The following FLRT3 variants were observed in gnomAD, a reference collection of about 807,000 sequenced individuals.
The protein encoded by FLRT3 is leucine-rich repeat transmembrane protein FLRT3.
In FLRT3, 17 loss-of-function variants were observed where a neutral mutation model predicts 42.6. That is an observed-to-expected ratio of 0.40 (90% CI 0.27 to 0.60). The LOEUF is 0.60. Among genes scored for constraint, FLRT3 ranks in the 20% least tolerant of loss-of-function variants. FLRT3 has a pLI of 0.44. For synonymous variants in FLRT3, 279 were observed against 286.4 expected (o/e 0.97, Z 0.26); for missense variants, 635 against 789.2 (o/e 0.80, Z 2.34).
chr20:14,327,191 C>T lies in FLRT3; in HGVS notation c.316G>A (p.Val106Ile). ...TTTTCTTGCAAATGTAACTCTTTTA[C>T]ATACTTTGGGAGGTTGGTAGGAAAT... is the stretch of plus-strand genomic sequence containing the variant. ...DEFPTNLPKY[V>I]KELHLQENNI... The change falls in exon 3 of 3, where the codon GTA becomes ATA. Residue 106 changes from valine to isoleucine, a missense_variant. Coordinates refer to ENST00000341420, the MANE Select transcript of FLRT3 (RefSeq NM_198391.3). The T allele has an allele frequency of 6.2e-7, 1 of 1,613,636 alleles. No homozygotes were observed. Among genetic ancestry groups the T allele is most frequent in the Non-Finnish European group, 8.5e-7 (1 of 1,179,742 alleles).
Position 14,326,126 on chromosome 20 carries a change from G to C in FLRT3, c.1381C>G (p.Arg461Gly), listed in dbSNP as rs763437016. The change falls in exon 3 of 3, where the codon CGC becomes GGC. Residue 461 changes from arginine (R) to glycine (G), a missense_variant. Transcript: ENST00000341420. This position sits in a 1 kb window ranked among gnomAD's most constrained non-coding sequence, Gnocchi z 5.5. Reference sequence around the variant, plus strand: ...AGGGCTGTGACCAAGTACTCACTGCGTTCCCCTGTTACAATTGTTTCTGTT... The same window carrying C: ...AGGGCTGTGACCAAGTACTCACTGCCTTCCCCTGTTACAATTGTTTCTGTT... ...SITETIVTGE[R>G]SEYLVTALEP... The C allele has an allele frequency of 6.2e-7, 1 of 1,613,830 alleles. No homozygotes were observed. The highest frequency in any genetic ancestry group is 1.1e-5 in the South Asian group (1 of 91,066).
chr20:14,336,223 G>C (rs1268117934), intron 1 of FLRT3, among the ~76,000 whole-genome samples: 1 of 151,914 alleles, frequency 6.6e-6, no homozygotes, highest in Non-Finnish European at 1.5e-5. Context: ...AAATAACATA[G>C]ATGAGCATTT....
chr20:14,328,671 T>C (rs1004258078), intron 2 of FLRT3, among the ~76,000 whole-genome samples: 1 of 152,116 alleles, frequency 6.6e-6, no homozygotes, highest in Non-Finnish European at 1.5e-5. Flanking sequence ...TATAAACTTT[T>C]GTTTAGTCCT....
At position 14,325,112 on chromosome 20, in the gene FLRT3, C is replaced by T. The variant is rs1274737420; in HGVS notation, c.*445G>A. 6.6e-6 allele frequency: 1 copy of T among 151,662 alleles called. No individual in the cohort carries two copies. Among genetic ancestry groups the T allele is most frequent in the African/African-American group, 2.4e-5 (1 of 41,034 alleles). The allele number at this position is 151,662 out of a possible 1,614,324, so 9.4% of individuals were successfully genotyped here. On this transcript the variant is annotated 3_prime_UTR_variant, in exon 3 of 3. Coordinates refer to ENST00000341420, the MANE Select transcript of FLRT3 (RefSeq NM_198391.3). The stretch of plus-strand genomic sequence containing the variant: ...ATTTTATCTCATTCAGCCATTCAGC[C>T]AGTTTTTTTTTTTTACATTTTATTA...
rs774110506 is a variant in FLRT3, at chr20:14,326,721, C to T, written c.786G>A (p.Val262=). 6.2e-7 allele frequency: 1 copy of T among 1,613,720 alleles called. No individual in the cohort carries two copies. ...TTAGATAAGAAAAAGCATTTGGGGGCACCCGATTGATGTGGTTATCTTGAA... is the reference window on the plus strand; with the variant it reads ...TTAGATAAGAAAAAGCATTTGGGGGTACCCGATTGATGTGGTTATCTTGAA... ...LYLQDNHINR[V]PPNAFSYLRQ... is the part of the protein sequence containing the mutation. The change falls in exon 3 of 3, where the codon GTG becomes GTA. Residue 262 remains valine (V), a synonymous_variant. Transcript: ENST00000341420. This position sits in a 1 kb window ranked among gnomAD's most constrained non-coding sequence, Gnocchi z 5.5.
chr20:14,332,991 A>C (rs2082872152), intron 1 of FLRT3, among the ~76,000 whole-genome samples: 1 of 152,090 alleles, frequency 6.6e-6, no homozygotes, highest in African/African-American at 2.4e-5. Context: ...AGTGACAGCA[A>C]AATGCTTTCT....
rs530684342 is a variant in FLRT3 at position 14,324,590 on chromosome 20, T to C, written c.*967A>G. The stretch of plus-strand genomic sequence containing the variant: ...CTGGATTGTTGAGGGGAATCGCTTA[T>C]AATTACATTACATTTTTAATATGCA... On this transcript the variant is annotated 3_prime_UTR_variant, in exon 3 of 3. Transcript: ENST00000341420. The C allele has an allele frequency of 3.9e-5, 6 of 152,280 alleles. No homozygotes were observed. In the South Asian group the frequency reaches 1.2e-3, roughly 32 times the overall value. 9.4% of individuals were successfully genotyped at this position (152,280 alleles called of 1,614,324 possible).
At chr20:14,333,822 G>A (rs1188406086) in intron 1 of FLRT3, among the ~76,000 whole-genome samples, 7 of 152,106 alleles carry the variant, frequency 4.6e-5, no homozygotes, top group Non-Finnish European at 8.8e-5. Context: ...CAGATGAAGA[G>A]GAAGAAAATC....
chr20:14,323,348 A>G lies in FLRT3; in HGVS notation c.*2209T>C, dbSNP rs943079296. On this transcript the variant is annotated 3_prime_UTR_variant, in exon 3 of 3. Transcript: ENST00000341420. ...ATAAAGGATGTTACAAAGGATCCAGATGGCAGGAAACATAAGGTGAGGTCT... is the reference window on the plus strand; with the variant it reads ...ATAAAGGATGTTACAAAGGATCCAGGTGGCAGGAAACATAAGGTGAGGTCT... 6.6e-6 allele frequency: 1 copy of G among 152,166 alleles called. No individual in the cohort carries two copies. Among genetic ancestry groups the G allele is most frequent in the African/African-American group, 2.4e-5 (1 of 41,452 alleles). The allele number at this position is 152,166 out of a possible 1,614,324, so 9.4% of individuals were successfully genotyped here. A position where few individuals can be genotyped will look rare whatever the true frequency, so the allele number is the denominator to read the frequency against.
At chr20:14,332,369 T>C (rs2082860014) in intron 1 of FLRT3, among the ~76,000 whole-genome samples, 1 of 152,076 alleles carries the variant, frequency 6.6e-6, no homozygotes, top group African/African-American at 2.4e-5. Context: ...ATCAAGAGCT[T>C]GCGGCAATCT....
intron 1 of FLRT3, among the ~76,000 whole-genome samples, chr20:14,336,783 C>T (rs1178989982): frequency 6.6e-6 from 1 of 152,136 alleles, no homozygotes; most frequent in Admixed American, 6.5e-5. Flanking sequence ...AAGAGTGTCT[C>T]CCCCTCCTCT....
rs868467242 is a variant in FLRT3 at position 14,326,796 on chromosome 20, C to T, written c.711G>A (p.Leu237=). 9 of 1,613,634 alleles carry T rather than the reference C, an allele frequency of 5.6e-6. No individual in the cohort carries two copies. The Middle Eastern group carries it at 9.9e-4, about 177-fold the overall frequency. The stretch of plus-strand genomic sequence containing the variant: ...CTGGAAGGTTTACTGGTGCAGCAGT[C>T]AGGGAATTCCGCACCAGGGACAGCT... ...LTELSLVRNS[L]TAAPVNLPGT... Residue 237 remains leucine (L), a synonymous_variant, in exon 3 of 3, where the codon CTG becomes CTA. Transcript: ENST00000341420. This position sits in a 1 kb window ranked among gnomAD's most constrained non-coding sequence, Gnocchi z 5.5.
chr20:14,337,507 G>A lies in FLRT3; in HGVS notation c.-350C>T, dbSNP rs556185536. ...CCCTCCCCCGTCTCCCAAGCTCTGC[G>A]TCCAGTCCACACAAAGCCCACGGCA... On this transcript the variant is annotated 5_prime_UTR_variant, in exon 1 of 3. In the 5' UTR this introduces an upstream ATG that the reference lacks. Transcript: ENST00000341420. The A allele has an allele frequency of 4.8e-5, 19 of 398,678 alleles. No individual in the cohort carries two copies. In the South Asian group the frequency reaches 6.4e-4, roughly 13 times the overall value. The allele number at this position is 398,678 out of a possible 1,614,324, so 24.7% of individuals were successfully genotyped here.
rs775138551 is a variant in FLRT3 at position 14,327,408 on chromosome 20, A to C, written c.99T>G (p.Ser33=). 7 of 1,613,572 alleles carry C rather than the reference A, an allele frequency of 4.3e-6. No individual in the cohort carries two copies. In the African/African-American group the frequency reaches 8.0e-5, roughly 18 times the overall value. ...TGAAACCCGCATCGCAGCGACACAC[A>C]GATGGACAGGATTTAGCCATAACTG... ...PLSVMAKSCP[S]VCRCDAGFIY... Residue 33 remains serine, a synonymous_variant, in exon 3 of 3, where the codon TCT becomes TCG. Coordinates refer to ENST00000341420, the MANE Select transcript of FLRT3 (RefSeq NM_198391.3).
Position 14,327,177 on chromosome 20 carries a change from A to G in FLRT3, c.330T>C (p.His110=), listed in dbSNP as rs1301034926. 1.2e-6 allele frequency: 2 copies of G among 1,613,646 alleles called. No homozygotes were observed. Among genetic ancestry groups the G allele is most frequent in the Non-Finnish European group, 1.7e-6 (2 of 1,179,770 alleles). The change falls in exon 3 of 3, where the codon CAT becomes CAC. Residue 110 remains histidine, a synonymous_variant. Coordinates refer to ENST00000341420, the MANE Select transcript of FLRT3 (RefSeq NM_198391.3). ...TNLPKYVKEL[H]LQENNIRTIT... is the part of the protein sequence containing the mutation. The stretch of plus-strand genomic sequence containing the variant: ...TAGTCCTTATGTTATTTTCTTGCAA[A>G]TGTAACTCTTTTACATACTTTGGGA...
In FLRT3 at chr20:14,325,916, C is replaced by G; in HGVS notation, c.1591G>C (p.Ala531Pro). 1 of 1,613,950 alleles carries G rather than the reference C, an allele frequency of 6.2e-7. No individual in the cohort carries two copies. Among genetic ancestry groups the G allele is most frequent in the Non-Finnish European group, 8.5e-7 (1 of 1,179,890 alleles). ...AGGGCCACAGCCCCACCAATGATGG[C>G]AGCCAAAGGTAAATTGGGGTTTTTG... Reference protein sequence around the residue: ...PYKNPNLPLAAIIGGAVALVT... With the variant: ...PYKNPNLPLAPIIGGAVALVT... The change falls in exon 3 of 3, where the codon GCC becomes CCC. Residue 531 changes from alanine to proline, a missense_variant. Physicochemically the swap from Ala to Pro is conservative, Grantham distance 27. Coordinates refer to ENST00000341420, the MANE Select transcript of FLRT3 (RefSeq NM_198391.3).
At chr20:14,334,726 T>C (rs16994493) in intron 1 of FLRT3, among the ~76,000 whole-genome samples, 3,915 of 152,084 alleles carry the variant, frequency 0.026, 52 homozygotes, top group African/African-American at 0.033. Flanking sequence ...GAAAAATTAC[T>C]GAATCTTATT....
At chr20:14,331,514 G>T (rs1414849407) in intron 1 of FLRT3, among the ~76,000 whole-genome samples, 1 of 152,002 alleles carries the variant, frequency 6.6e-6, no homozygotes, top group African/African-American at 2.4e-5. Context: ...TCCCCACATT[G>T]TATTAAAATA....
intron 1 of FLRT3, among the ~76,000 whole-genome samples, chr20:14,334,334 G>A (rs1376454351): frequency 6.6e-6 from 1 of 152,160 alleles, no homozygotes; most frequent in Non-Finnish European, 1.5e-5. Flanking sequence ...TTCTTAAGAG[G>A]AAGAATGCTG....
Sources: allele counts gnomAD v4.1 joint callset (sites outside exome capture counted in the v4.1 genomes callset), GRCh38; gene constraint gnomAD v4.1.1; non-coding constraint Gnocchi (gnomAD v3.1); transcripts MANE v1.5; gene names NCBI Gene and HGNC (gene_info 2026-07-23, HGNC 2026-07-21).